Variants in PRDM16 observed in about 807,000 individuals in gnomAD.
PRDM16 encodes the protein PR/SET domain 16, also known as histone-lysine N-methyltransferase PRDM16.
Under a neutral mutation model 110.6 loss-of-function variants are expected in PRDM16, and 23 were observed. The ratio of observed to expected loss-of-function variants is 0.21; its 90% confidence interval spans 0.15 to 0.29. The LOEUF (loss-of-function observed/expected upper bound fraction) is 0.29. PRDM16 is among the 10% of genes least tolerant of loss of function. The pLI, the probability that PRDM16 is intolerant of heterozygous loss-of-function variation, is 1.00. For missense variants in PRDM16, 1,615 were observed against 1,794.3 expected (o/e 0.90, Z 1.81); for synonymous variants, 799 against 781.8 (o/e 1.02, Z -0.37).
chr1:3,071,708 T>G (rs1350927990), intron 1 of PRDM16, among the ~76,000 whole-genome samples: 4 of 151,668 alleles, frequency 2.6e-5, no homozygotes, highest in Admixed American at 6.6e-5. Flanking sequence ...GGTCCTCCCC[T>G]CCCCACAATG....
chr1:3,102,153 G>A (rs549881717), intron 1 of PRDM16, among the ~76,000 whole-genome samples: 1 of 152,312 alleles, frequency 6.6e-6, no homozygotes, highest in South Asian at 2.1e-4. Context: ...TTTCGCAGTG[G>A]AGAACCCAGA....
rs551202646 is a variant in PRDM16 at position 3,411,478 on chromosome 1, C to G, written c.1281C>G (p.Asp427Glu). The G allele has an allele frequency of 1.2e-6, 2 of 1,614,210 alleles. No homozygotes were observed. Among genetic ancestry groups the G allele is most frequent in the African/African-American group, 1.3e-5 (1 of 75,048 alleles). ...GCCGCACGCAGATCAAGTGCAAGGA[C>G]TGTGGCCAGATGTTCAGCACTACCT... Reference protein sequence around the residue: ...ADCRTQIKCKDCGQMFSTTSS... With the variant: ...ADCRTQIKCKECGQMFSTTSS... Residue 427 changes from aspartate (D) to glutamate (E), a missense_variant, in exon 9 of 17, where the codon GAC becomes GAG. Transcript: ENST00000270722.
In PRDM16 at chr1:3,290,981, G is replaced by A. The variant is rs1640960853; in HGVS notation, c.438+46844G>A. Among the ~76,000 whole-genome samples, 1 of 152,072 alleles carries A rather than the reference G, an allele frequency of 6.6e-6. No individual in the cohort carries two copies. The highest frequency in any genetic ancestry group is 6.5e-5 in the Admixed American group (1 of 15,268). ...TCTTACGATGTGATAGGAGCGGCTT[G>A]GCCTCCTGACTCCAGGGGCCTGGGA... On this transcript the variant is annotated intron_variant, in intron 3 of 16. Coordinates refer to ENST00000270722, the MANE Select transcript of PRDM16 (RefSeq NM_022114.4). The surrounding 1 kb of genome is among the most constrained non-coding windows in gnomAD (Gnocchi z 4.8).
chr1:3,194,978 C>T (rs2100815706), intron 2 of PRDM16, among the ~76,000 whole-genome samples: 1 of 152,306 alleles, frequency 6.6e-6, no homozygotes, highest in Non-Finnish European at 1.5e-5. Flanking sequence ...CCGCGCTTCC[C>T]CACTCAGGAG....
In PRDM16 at chr1:3,201,715, C is replaced by T. The variant is rs974380501; in HGVS notation, c.387+15241C>T. On this transcript the variant is annotated intron_variant, in intron 2 of 16. Coordinates refer to ENST00000270722, the MANE Select transcript of PRDM16 (RefSeq NM_022114.4). The surrounding 1 kb of genome is among the most constrained non-coding windows in gnomAD (Gnocchi z 4.1). ...AGGGCAGGACCTCCCCGCTTGGATGCTGGTGACACATTCTTCAGCTGGAGC... is the reference window on the plus strand; with the variant it reads ...AGGGCAGGACCTCCCCGCTTGGATGTTGGTGACACATTCTTCAGCTGGAGC... 6.6e-6 allele frequency among the ~76,000 whole-genome samples: 1 copy of T among 152,262 alleles called. No individual in the cohort carries two copies. Among genetic ancestry groups the T allele is most frequent in the Non-Finnish European group, 1.5e-5 (1 of 68,044 alleles).
intron 1 of PRDM16, among the ~76,000 whole-genome samples, chr1:3,159,053 G>A (rs1049739636): frequency 7.2e-5 from 11 of 152,190 alleles, no homozygotes; most frequent in Non-Finnish European, 1.2e-4. Context: ...TTGCAGGTGT[G>A]GCCACCATGC....
intron 4 of PRDM16, among the ~76,000 whole-genome samples, chr1:3,395,581 A>T (rs149825734): frequency 0.017 from 2,548 of 152,144 alleles, 75 homozygotes; most frequent in African/African-American, 0.058. Flanking sequence ...CCCAAGAGAA[A>T]CACACCTGCC....
rs1638856080 is a variant in PRDM16, at chr1:3,434,500, G to A, written c.*689G>A. ...CCCTATTTGTATAAGCCAAGGTGATGCTGGGTGCCCCGAGGCAGAACAAGA... is the reference window on the plus strand; with the variant it reads ...CCCTATTTGTATAAGCCAAGGTGATACTGGGTGCCCCGAGGCAGAACAAGA... On this transcript the variant is annotated 3_prime_UTR_variant, in exon 17 of 17. Transcript: ENST00000270722. 1 of 231,636 alleles carries A rather than the reference G, an allele frequency of 4.3e-6. No individual in the cohort carries two copies. The highest frequency in any genetic ancestry group is 8.5e-6 in the Non-Finnish European group (1 of 117,112). 14.3% of individuals were successfully genotyped at this position (231,636 alleles called of 1,614,324 possible).
At chr1:3,098,789 C>T (rs907414398) in intron 1 of PRDM16, among the ~76,000 whole-genome samples, 10 of 152,232 alleles carry the variant, frequency 6.6e-5, no homozygotes, top group African/African-American at 2.4e-4. Flanking sequence ...TGCTCCAGCC[C>T]TGCAGAGCTG....
intron 3 of PRDM16, among the ~76,000 whole-genome samples, chr1:3,292,381 G>A (rs1003320852): frequency 2.6e-5 from 4 of 152,180 alleles, no homozygotes; most frequent in African/African-American, 9.7e-5. Flanking sequence ...GCTCTGTCCC[G>A]CAGCCTTTGA....
chr1:3,117,064 A>G (rs1642978899), intron 1 of PRDM16, among the ~76,000 whole-genome samples: 1 of 152,190 alleles, frequency 6.6e-6, no homozygotes, highest in African/African-American at 2.4e-5. Flanking sequence ...GACCCACGGG[A>G]AGGGCTAGAG....
rs368775819 is a variant in PRDM16 at position 3,423,762 on chromosome 1, C to T, written c.2940-1819C>T. On this transcript the variant is annotated intron_variant, in intron 12 of 16. Coordinates refer to ENST00000270722, the MANE Select transcript of PRDM16 (RefSeq NM_022114.4). ...CTCCACAGAGGCTCCCACAGAGGCCCTGGCCTGGTCTCCAGCTGCTACCAG... is the reference window on the plus strand; with the variant it reads ...CTCCACAGAGGCTCCCACAGAGGCCTTGGCCTGGTCTCCAGCTGCTACCAG... Among the ~76,000 whole-genome samples, 31 of 152,356 alleles carry T rather than the reference C, an allele frequency of 2.0e-4. No homozygotes were observed. In the South Asian group the frequency reaches 5.8e-3, roughly 29 times the overall value.
chr1:3,312,711 G>C (rs901706038), intron 3 of PRDM16, among the ~76,000 whole-genome samples: 1 of 152,244 alleles, frequency 6.6e-6, no homozygotes, highest in Non-Finnish European at 1.5e-5. Flanking sequence ...CAAATACTCC[G>C]CCGCTTTTCA....
chr1:3,350,489 G>C lies in PRDM16; in HGVS notation c.439-34663G>C, dbSNP rs1160493186. On this transcript the variant is annotated intron_variant, in intron 3 of 16. Coordinates refer to ENST00000270722, the MANE Select transcript of PRDM16 (RefSeq NM_022114.4). The surrounding 1 kb of genome is among the most constrained non-coding windows in gnomAD (Gnocchi z 7.1). ...TCAGGTTTGGTGACACTTGGATCCA[G>C]ACATAATGTGTGTTAAGATCAAGGG... is the stretch of plus-strand genomic sequence containing the variant. 6.6e-6 allele frequency among the ~76,000 whole-genome samples: 1 copy of C among 152,176 alleles called. No individual in the cohort carries two copies. Among genetic ancestry groups the C allele is most frequent in the African/African-American group, 2.4e-5 (1 of 41,454 alleles).
intron 12 of PRDM16, among the ~76,000 whole-genome samples, chr1:3,421,095 T>C (rs144955009): frequency 6.6e-6 from 1 of 152,112 alleles, no homozygotes; most frequent in Non-Finnish European, 1.5e-5. Flanking sequence ...GGCCCGTGCA[T>C]GTCCTTTCTT....
At chr1:3,088,578 G>T (rs896896641) in intron 1 of PRDM16, among the ~76,000 whole-genome samples, 1 of 150,682 alleles carries the variant, frequency 6.6e-6, no homozygotes, top group Non-Finnish European at 1.5e-5. Flanking sequence ...CCATTCTCCC[G>T]CCTCAGCCTC....
intron 1 of PRDM16, among the ~76,000 whole-genome samples, chr1:3,142,502 C>T (rs148503466): frequency 2.0e-4 from 31 of 152,072 alleles, no homozygotes; most frequent in South Asian, 4.2e-4. Flanking sequence ...CAGGCGCCGT[C>T]GAACGGGATG....
At chr1:3,408,698 G>C (rs532609327) in intron 8 of PRDM16, among the ~76,000 whole-genome samples, 24 of 150,996 alleles carry the variant, frequency 1.6e-4, no homozygotes, top group Admixed American at 1.1e-3. Flanking sequence ...GCCGGTGCAT[G>C]TGTTGGCGTG....
intron 5 of PRDM16, among the ~76,000 whole-genome samples, chr1:3,399,764 G>C (rs1477212460): frequency 6.6e-6 from 1 of 152,198 alleles, no homozygotes; most frequent in South Asian, 2.1e-4. Context: ...GGGTGGGGTT[G>C]GCATTTCTTC....
Sources: allele counts gnomAD v4.1 joint callset (sites outside exome capture counted in the v4.1 genomes callset), GRCh38; gene constraint gnomAD v4.1.1; non-coding constraint Gnocchi (gnomAD v3.1); transcripts MANE v1.5; gene names NCBI Gene and HGNC (gene_info 2026-07-23, HGNC 2026-07-21).